The following EBF3 variants were observed in gnomAD, a reference collection of about 807,000 sequenced individuals.
The protein encoded by EBF3 is EBF transcription factor 3.
EBF3 carries 18 observed loss-of-function variants against 77.1 expected under a neutral mutation model. The ratio of observed to expected loss-of-function variants is 0.23; its 90% CI spans 0.16 to 0.35. EBF3 has a LOEUF of 0.35. Ranked by LOEUF, EBF3 falls within the 10% of genes least tolerant of loss-of-function variation. The probability of loss-of-function intolerance (pLI) is 1.00; values close to 1 mark genes in which losing one functional copy is unlikely to be tolerated. For missense variants in EBF3, 558 were observed against 860.0 expected (o/e 0.65, Z 4.39); for synonymous variants, 350 against 343.5 (o/e 1.02, Z -0.21).
At chr10:129,914,187 C>G (rs1349764959) in intron 6 of EBF3, among the ~76,000 whole-genome samples, 2 of 152,206 alleles carry the variant, frequency 1.3e-5, no homozygotes, top group Non-Finnish European at 2.9e-5. Context: ...TGACCTCTCC[C>G]CTACCCACCT....
rs1183421125 is a variant in EBF3 at position 129,837,407 on chromosome 10, T to C, written c.*536A>G. ...ACCCCAGTTTCTCCTCATCATATAGTCATCCTTTTTTCCAGTCTGATGGCT... is the reference window on the plus strand; with the variant it reads ...ACCCCAGTTTCTCCTCATCATATAGCCATCCTTTTTTCCAGTCTGATGGCT... On this transcript the variant is annotated 3_prime_UTR_variant, in exon 17 of 17. Transcript: ENST00000440978. 6.5e-6 allele frequency: 1 copy of C among 153,528 alleles called. No homozygotes were observed. Among genetic ancestry groups the C allele is most frequent in the Admixed American group, 6.5e-5 (1 of 15,338 alleles). The allele number at this position is 153,528 out of a possible 1,614,324, so 9.5% of individuals were successfully genotyped here.
chr10:129,859,250 C>T (rs1420366756), intron 10 of EBF3, among the ~76,000 whole-genome samples: 1 of 152,170 alleles, frequency 6.6e-6, no homozygotes, highest in African/African-American at 2.4e-5. Context: ...GATGGAGTCT[C>T]AGTCTATCTT....
chr10:129,874,081 C>T (rs374571512), intron 7 of EBF3, among the ~76,000 whole-genome samples: 1 of 152,196 alleles, frequency 6.6e-6, no homozygotes, highest in African/African-American at 2.4e-5. Context: ...CTACTGCCCA[C>T]ATTTTATCAG....
intron 6 of EBF3, among the ~76,000 whole-genome samples, chr10:129,906,761 T>A (rs148690177): frequency 8.0e-4 from 122 of 152,300 alleles, no homozygotes; most frequent in African/African-American, 2.7e-3. Flanking sequence ...GAAGCTTTTT[T>A]TTTCGATTCT....
chr10:129,883,121 T>C (rs1853322598), intron 6 of EBF3, among the ~76,000 whole-genome samples: 1 of 152,238 alleles, frequency 6.6e-6, no homozygotes, highest in Non-Finnish European at 1.5e-5. Flanking sequence ...CAGGATTTTT[T>C]CTTTAATCAT....
Position 129,836,934 on chromosome 10 carries a change from G to T in EBF3, c.*1009C>A, listed in dbSNP as rs1849646123. 6.6e-6 allele frequency: 1 copy of T among 152,534 alleles called. No homozygotes were observed. The highest frequency in any genetic ancestry group is 1.5e-5 in the Non-Finnish European group (1 of 68,016). 9.4% of individuals were successfully genotyped at this position (152,534 alleles called of 1,614,324 possible). On this transcript the variant is annotated 3_prime_UTR_variant, in exon 17 of 17. Transcript: ENST00000440978. The stretch of plus-strand genomic sequence containing the variant: ...TTTTATTCCTTATAAGACACATAAG[G>T]AATAAAACTTGTTTTTCTAAATATT...
At chr10:129,846,950 T>C (rs1390436650) in intron 11 of EBF3, among the ~76,000 whole-genome samples, 1 of 151,958 alleles carries the variant, frequency 6.6e-6, no homozygotes, top group Non-Finnish European at 1.5e-5. Context: ...GGAGGGCTGG[T>C]AGGCTTCCCA....
intron 5 of EBF3, among the ~76,000 whole-genome samples, chr10:129,958,029 G>A (rs1002651956): frequency 6.6e-6 from 1 of 152,220 alleles, no homozygotes; most frequent in African/African-American, 2.4e-5. Context: ...CTTCCACTTA[G>A]AGCTTAAATC....
Position 129,836,943 on chromosome 10 carries a change from T to TTAAAA in EBF3, c.*999_*1000insTTTTA, listed in dbSNP as rs1371892737. ...TTATAAGACACATAAGGAATAAAAC[T>TTAAAA]TGTTTTTCTAAATATTTTAAGTGGA... On this transcript the variant is annotated 3_prime_UTR_variant, in exon 17 of 17. Transcript: ENST00000440978. 2.0e-5 allele frequency: 3 copies of TTAAAA among 152,768 alleles called. No homozygotes were observed. In the East Asian group the frequency reaches 5.8e-4, roughly 29 times the overall value. The allele number at this position is 152,768 out of a possible 1,614,324, so 9.5% of individuals were successfully genotyped here. A position where few individuals can be genotyped will look rare whatever the true frequency, so the allele number is the denominator to read the frequency against.
rs370366118 is a variant in EBF3, at chr10:129,859,269, T to C, written c.1039+7872A>G. Among the ~76,000 whole-genome samples the C allele has an allele frequency of 5.3e-5, 8 of 152,352 alleles. No homozygotes were observed. The South Asian group carries it at 8.3e-4, about 16-fold the overall frequency. ...GAGTCTCAGTCTATCTTGCTCAGGC[T>C]GGAGTGTGGTGGCACAATCTCGGCT... is the stretch of plus-strand genomic sequence containing the variant. On this transcript the variant is annotated intron_variant, in intron 10 of 16. Transcript: ENST00000440978.
intron 10 of EBF3, among the ~76,000 whole-genome samples, chr10:129,851,142 G>T (rs1206426145): frequency 1.3e-5 from 2 of 152,162 alleles, no homozygotes; most frequent in East Asian, 3.8e-4. Flanking sequence ...CCTGATTTTG[G>T]GTAAACATAT....
chr10:129,872,546 T>G (rs914672380), intron 8 of EBF3, among the ~76,000 whole-genome samples: 1 of 152,162 alleles, frequency 6.6e-6, no homozygotes, highest in Non-Finnish European at 1.5e-5. Flanking sequence ...ATGTGGGACC[T>G]CGGGATAGAG....
chr10:129,895,602 A>G (rs1360257767), intron 6 of EBF3, among the ~76,000 whole-genome samples: 1 of 152,196 alleles, frequency 6.6e-6, no homozygotes, highest in East Asian at 1.9e-4. Context: ...TCAAAATTCG[A>G]CAATCAAATC....
At chr10:129,925,660 C>G (rs1277219582) in intron 6 of EBF3, among the ~76,000 whole-genome samples, 1 of 150,842 alleles carries the variant, frequency 6.6e-6, no homozygotes, top group Non-Finnish European at 1.5e-5. Context: ...TCTGAATGTA[C>G]TTAATGCACT....
intron 6 of EBF3, among the ~76,000 whole-genome samples, chr10:129,905,837 G>C (rs577078777): frequency 1.3e-5 from 2 of 152,172 alleles, no homozygotes; most frequent in African/African-American, 4.8e-5. Flanking sequence ...TTGGGCCCCC[G>C]AGGTGACATT....
In EBF3 at chr10:129,943,501, A is replaced by C. The variant is rs1402955059; in HGVS notation, c.554+13757T>G. 1.3e-5 allele frequency among the ~76,000 whole-genome samples: 2 copies of C among 152,162 alleles called. No homozygotes were observed. Among genetic ancestry groups the C allele is most frequent in the Non-Finnish European group, 2.9e-5 (2 of 68,038 alleles). On this transcript the variant is annotated intron_variant, in intron 6 of 16. Transcript: ENST00000440978. This position sits in a 1 kb window ranked among gnomAD's most constrained non-coding sequence, Gnocchi z 8.8. Reference sequence around the variant, plus strand: ...ATATAACTGTAAACTTCTGGAGGTTAGAGATTGGATAATTTCTTTCAGCTG... The same window carrying C: ...ATATAACTGTAAACTTCTGGAGGTTCGAGATTGGATAATTTCTTTCAGCTG...
intron 6 of EBF3, among the ~76,000 whole-genome samples, chr10:129,880,817 T>G (rs1211007812): frequency 6.6e-6 from 1 of 152,212 alleles, no homozygotes; most frequent in Non-Finnish European, 1.5e-5. Flanking sequence ...TTTGGTCATG[T>G]CTGAGTTGGG....
At chr10:129,915,497 C>CACAA (rs1009076316) in intron 6 of EBF3, among the ~76,000 whole-genome samples, 15 of 83,642 alleles carry the variant, frequency 1.8e-4, no homozygotes, top group Admixed American at 9.2e-4. Context: ...CACACACACA[C>CACAA]AAAAAAGCCA....
chr10:129,896,281 G>A (rs1449507454), intron 6 of EBF3, among the ~76,000 whole-genome samples: 1 of 152,240 alleles, frequency 6.6e-6, no homozygotes, highest in Non-Finnish European at 1.5e-5. Flanking sequence ...GGCCTCAGTG[G>A]TCATAGCAGC....
Sources: allele counts gnomAD v4.1 joint callset (sites outside exome capture counted in the v4.1 genomes callset), GRCh38; gene constraint gnomAD v4.1.1; non-coding constraint Gnocchi (gnomAD v3.1); transcripts MANE v1.5; gene names NCBI Gene and HGNC (gene_info 2026-07-23, HGNC 2026-07-21).